ARHGAP22: variants seen among roughly 807,000 people sequenced by gnomAD.
ARHGAP22 encodes the protein rho GTPase-activating protein 22.
ARHGAP22 carries 48 observed loss-of-function variants against 59.1 expected under a neutral mutation model. The ratio of observed to expected loss-of-function variants is 0.81; its 90% CI spans 0.64 to 1.03. The LOEUF is 1.03. ARHGAP22 is among the 50% of genes least tolerant of loss of function. ARHGAP22 has a pLI of 0.00. For missense variants in ARHGAP22, 1,015 were observed against 958.7 expected (o/e 1.06, Z -0.78); for synonymous variants, 445 against 416.4 (o/e 1.07, Z -0.84).
chr10:48,450,560 C>T lies in ARHGAP22; in HGVS notation c.1569G>A (p.Gly523=). 1 of 1,528,212 alleles carries T rather than the reference C, an allele frequency of 6.5e-7. No individual in the cohort carries two copies. Among genetic ancestry groups the T allele is most frequent in the Non-Finnish European group, 8.8e-7 (1 of 1,138,804 alleles). 94.7% of individuals were successfully genotyped at this position (1,528,212 alleles called of 1,614,324 possible). ...AGGCCGTGCAGCTGCTGAGTGAGCC[C>T]CCCACCGACGACTCGCTGGACGAGG... ...SGASSSESSV[G]GSLSSCTACR... Residue 523 remains glycine (G), a synonymous_variant, in exon 9 of 10, where the codon GGG becomes GGA. Coordinates refer to ENST00000249601, the MANE Select transcript of ARHGAP22 (RefSeq NM_021226.4).
rs571359622 is a variant in ARHGAP22, at chr10:48,625,493, G to T, written c.52+26741C>A. On this transcript the variant is annotated intron_variant, in intron 1 of 9. Coordinates refer to the ARHGAP22 transcript ENST00000435790. ...GGCTGCCCCATTATGCTGCGTTGCA[G>T]TTCATGACCAGCTTTAAAAACATGT... 3.3e-5 allele frequency among the ~76,000 whole-genome samples: 5 copies of T among 152,242 alleles called. No individual in the cohort carries two copies. In the South Asian group the frequency reaches 1.0e-3, roughly 32 times the overall value.
At chr10:48,646,987 T>A (rs370381473) in intron 1 of ARHGAP22, among the ~76,000 whole-genome samples, 1 of 152,346 alleles carries the variant, frequency 6.6e-6, no homozygotes, top group East Asian at 1.9e-4. Flanking sequence ...GCAAATTATA[T>A]ATCTGATAAT....
In ARHGAP22 at chr10:48,555,500, G is replaced by A. The variant is rs147995942; in HGVS notation, c.285C>T (p.Pro95=). Residue 95 remains proline (P), a synonymous_variant, in exon 3 of 10, where the codon CCC becomes CCT. Transcript: ENST00000249601. ...CAAAGAGGTGCTTCCCTGGGTCCTC[G>A]GGGCCAGGAGGAAGTTCAGTCACCT... ...GTQVTELPPG[P]EDPGKHLFEI... The A allele has an allele frequency of 1.4e-5, 22 of 1,614,078 alleles. No homozygotes were observed. The highest frequency in any genetic ancestry group is 1.6e-4 in the Middle Eastern group (1 of 6,080).
intron 2 of ARHGAP22, among the ~76,000 whole-genome samples, chr10:48,559,636 T>G (rs1475110632): frequency 1.3e-5 from 2 of 152,254 alleles, no homozygotes; most frequent in African/African-American, 4.8e-5. Flanking sequence ...TCCTTTTAAA[T>G]GGAGAATCTT....
intron 4 of ARHGAP22, 186 bp downstream of exon 4, chr10:48,479,450 A>C: frequency 5.0e-6 from 5 of 1,004,658 alleles, no homozygotes; most frequent in Non-Finnish European, 7.2e-6. Context: ...GGAGGAAGTG[A>C]GTACACGGCA....
the ARHGAP22 span, chr10:48,438,060 A>T: frequency 6.6e-6 from 1 of 152,280 alleles, no homozygotes; most frequent in Non-Finnish European, 1.5e-5. Flanking sequence ...AGTGTTGCCT[A>T]GGCATTCGCC....
chr10:48,638,402 G>T (rs1163483772), intron 1 of ARHGAP22, among the ~76,000 whole-genome samples: 2 of 151,386 alleles, frequency 1.3e-5, no homozygotes, highest in African/African-American at 2.4e-5. Flanking sequence ...TGTGTGTGTT[G>T]TGTGTGTGTG....
At chr10:48,518,202 T>A (rs1213187263) in intron 3 of ARHGAP22, among the ~76,000 whole-genome samples, 2 of 152,036 alleles carry the variant, frequency 1.3e-5, no homozygotes, top group Non-Finnish European at 2.9e-5. Flanking sequence ...CTCGACCACA[T>A]CCCAGCATGT....
chr10:48,524,832 G>A (rs931132025), intron 3 of ARHGAP22, among the ~76,000 whole-genome samples: 8 of 152,156 alleles, frequency 5.3e-5, no homozygotes, highest in African/African-American at 1.9e-4. Flanking sequence ...AAATGATACC[G>A]GTTCAGATGC....
In ARHGAP22 at chr10:48,457,831, C is replaced by T. The variant is rs116227874; in HGVS notation, c.659+1853G>A. 4.4e-3 allele frequency among the ~76,000 whole-genome samples: 673 copies of T among 152,164 alleles called. 4 individuals carry two copies. Among genetic ancestry groups the T allele is most frequent in the Middle Eastern group, 0.02 (6 of 294 alleles). On this transcript the variant is annotated intron_variant, in intron 5 of 9. Transcript: ENST00000249601. ...CGGAAGGGGCCAGGACAGAAGCCAA[C>T]ACCCCAGCAGGCAGGCAGGCTATGG...
chr10:48,524,018 G>T (rs1372598909), intron 3 of ARHGAP22: 2 of 1,454,302 alleles, frequency 1.4e-6, no homozygotes, highest in Non-Finnish European at 1.8e-6. Context: ...GGCGGCGGCC[G>T]CAGGGAGCGG....
chr10:48,450,666 C>T lies in ARHGAP22; in HGVS notation c.1463G>A (p.Arg488Lys). 1.3e-6 allele frequency: 2 copies of T among 1,550,528 alleles called. No individual in the cohort carries two copies. Among genetic ancestry groups the T allele is most frequent in the South Asian group, 1.2e-5 (1 of 84,082 alleles). ...GGGCACATTGTCGTAGGTGGAGAGT[C>T]TCTGCACGGAGCCCGAGTCCTTGAG... The part of the protein sequence containing the change: ...DRLKDSGSVQ[R>K]LSTYDNVPAP... Residue 488 changes from arginine (R) to lysine (K), a missense_variant, in exon 9 of 10, where the codon AGA (arginine) becomes AAA (lysine). Transcript: ENST00000249601.
intron 3 of ARHGAP22, among the ~76,000 whole-genome samples, chr10:48,536,808 C>CAAAA (rs2055401899): frequency 1.3e-5 from 2 of 152,166 alleles, no homozygotes; most frequent in Non-Finnish European, 2.9e-5. Flanking sequence ...AATGTAATGT[C>CAAAA]TATTTCTTGT....
At chr10:48,439,013 G>C in the ARHGAP22 span, 1 of 152,064 alleles carries the variant, frequency 6.6e-6, no homozygotes, top group South Asian at 2.1e-4. Flanking sequence ...ACTGAATTAC[G>C]TGTCTCCCTG....
intron 4 of ARHGAP22, among the ~76,000 whole-genome samples, chr10:48,462,062 T>C (rs985512601): frequency 6.6e-6 from 1 of 152,186 alleles, no homozygotes; most frequent in Non-Finnish European, 1.5e-5. Context: ...TGAGAACACA[T>C]GCCCGCGTGG....
At chr10:48,451,448 G>C (rs1564667818) in intron 8 of ARHGAP22, 1 of 702,776 alleles carries the variant, frequency 1.4e-6, no homozygotes, top group Non-Finnish European at 2.6e-6. Flanking sequence ...AAGGCTGCAC[G>C]GTGAGCAGGT....
rs11386532 is a variant in ARHGAP22, at chr10:48,650,146, CTTTTTTTTTT to C, written c.52+2078_52+2087del. 1.2e-4 allele frequency among the ~76,000 whole-genome samples: 10 copies of C among 82,080 alleles called. No homozygotes were observed. The East Asian group carries it at 2.4e-3, about 20-fold the overall frequency. The allele number at this position is 82,080 out of a possible 152,430, so 53.8% of individuals were successfully genotyped here. On this transcript the variant is annotated intron_variant, in intron 1 of 9. Transcript: ENST00000435790. The stretch of plus-strand genomic sequence containing the variant: ...GCCCCCTCCCCCTGTGCTGGAGACT[CTTTTTTTTTT>C]TTTTTTTTTTTTCTGCAGCCTTTCA...
chr10:48,497,108 TC>T, intron 3 of ARHGAP22, among the ~76,000 whole-genome samples: 1 of 152,176 alleles, frequency 6.6e-6, no homozygotes, highest in South Asian at 2.1e-4. Context: ...GTTTGACACC[TC>T]CCACCTGCTC....
At chr10:48,547,821 T>C (rs775916312) in intron 3 of ARHGAP22, among the ~76,000 whole-genome samples, 3 of 152,168 alleles carry the variant, frequency 2.0e-5, no homozygotes, top group African/African-American at 7.2e-5. Flanking sequence ...TGGCCCCTTG[T>C]CTGGCACTTG....
Sources: allele counts gnomAD v4.1 joint callset (sites outside exome capture counted in the v4.1 genomes callset), GRCh38; gene constraint gnomAD v4.1.1; transcripts MANE v1.5; gene names NCBI Gene and HGNC (gene_info 2026-07-23, HGNC 2026-07-21).